The following MAN1A2 variants were observed in gnomAD, a reference collection of about 807,000 sequenced individuals.
The protein encoded by MAN1A2 is mannosyl-oligosaccharide 1,2-alpha-mannosidase IB.
In MAN1A2, 26 loss-of-function variants were observed where a neutral mutation model predicts 75.7. The ratio of observed to expected loss-of-function variants is 0.34; its 90% CI spans 0.25 to 0.48. The LOEUF (loss-of-function observed/expected upper bound fraction) is 0.48, where lower values mean the gene tolerates loss of function less well. Ranked by LOEUF, MAN1A2 falls within the 20% of genes least tolerant of loss-of-function variation. The pLI, the probability that MAN1A2 is intolerant of heterozygous loss-of-function variation, is 0.99. For missense variants in MAN1A2, 562 were observed against 775.5 expected (o/e 0.72, Z 3.27); for synonymous variants, 247 against 264.6 (o/e 0.93, Z 0.65).
At chr1:117,460,427 T>G in intron 6 of MAN1A2, 62 bp from the exon 7 acceptor site, 1 of 1,199,284 alleles carries the variant, frequency 8.3e-7, no homozygotes. Context: ...ACATATTCAT[T>G]AAACGAATGT....
intron 6 of MAN1A2, among the ~76,000 whole-genome samples, chr1:117,445,784 C>T (rs1015732362): frequency 3.3e-5 from 5 of 150,452 alleles, no homozygotes; most frequent in African/African-American, 7.3e-5. Context: ...TCCTTGGCCT[C>T]CCAAGGTGCT....
In MAN1A2 at chr1:117,526,887, T is replaced by C. The variant is rs1446919291; in HGVS notation, c.*3930T>C. ...CTCTCTCTCTCTCTCTCTCTATATATATATATATATATATATATATATGAG... is the reference window on the plus strand; with the variant it reads ...CTCTCTCTCTCTCTCTCTCTATATACATATATATATATATATATATATGAG... On this transcript the variant is annotated 3_prime_UTR_variant, in exon 13 of 13. Coordinates refer to ENST00000356554, the MANE Select transcript of MAN1A2 (RefSeq NM_006699.5). 9.0e-6 allele frequency: 1 copy of C among 110,604 alleles called. No homozygotes were observed. The highest frequency in any genetic ancestry group is 2.0e-5 in the Non-Finnish European group (1 of 50,892). 6.9% of individuals were successfully genotyped at this position (110,604 alleles called of 1,614,324 possible).
intron 8 of MAN1A2, among the ~76,000 whole-genome samples, chr1:117,471,600 A>T (rs1002740865): frequency 3.3e-5 from 5 of 151,880 alleles, no homozygotes; most frequent in African/African-American, 1.2e-4. Context: ...TTTTGCTTTA[A>T]TGTAATTTCA....
At chr1:117,480,815 A>G (rs944666779) in intron 8 of MAN1A2, among the ~76,000 whole-genome samples, 1 of 152,024 alleles carries the variant, frequency 6.6e-6, no homozygotes, top group Non-Finnish European at 1.5e-5. Flanking sequence ...TAGCCTTATC[A>G]TGAACTTGAG....
intron 8 of MAN1A2, among the ~76,000 whole-genome samples, chr1:117,476,769 T>C (rs1650327492): frequency 6.6e-6 from 1 of 152,128 alleles, no homozygotes. Context: ...AGCCTCATAG[T>C]ATAGTTTGAA....
intron 4 of MAN1A2, among the ~76,000 whole-genome samples, chr1:117,418,425 A>G (rs1648079555): frequency 6.6e-6 from 1 of 152,136 alleles, no homozygotes; most frequent in South Asian, 2.1e-4. Context: ...GAAGAGACCC[A>G]AGGGGAGCCA....
chr1:117,486,387 G>A (rs1052906910), intron 8 of MAN1A2, among the ~76,000 whole-genome samples: 1 of 151,814 alleles, frequency 6.6e-6, no homozygotes, highest in Non-Finnish European at 1.5e-5. Flanking sequence ...CTATAATAAG[G>A]AGAACATTTA....
chr1:117,449,682 A>T (rs892640577), intron 6 of MAN1A2, among the ~76,000 whole-genome samples: 7 of 152,224 alleles, frequency 4.6e-5, no homozygotes, highest in African/African-American at 1.7e-4. Context: ...GCAAAGGAAG[A>T]GTTCTTGAAG....
chr1:117,384,317 C>T (rs1284737110), intron 1 of MAN1A2, among the ~76,000 whole-genome samples: 1 of 151,976 alleles, frequency 6.6e-6, no homozygotes, highest in African/African-American at 2.4e-5. Context: ...GTGTTTTTGT[C>T]TTCATTTATC....
chr1:117,509,162 C>G (rs919185618), intron 12 of MAN1A2, among the ~76,000 whole-genome samples: 14 of 151,470 alleles, frequency 9.2e-5, no homozygotes, highest in Admixed American at 7.9e-4. Context: ...AAGTAAAAGA[C>G]AGATGGCACA....
intron 4 of MAN1A2, among the ~76,000 whole-genome samples, chr1:117,416,386 T>A (rs1024005109): frequency 5.3e-5 from 8 of 152,164 alleles, no homozygotes; most frequent in Non-Finnish European, 1.2e-4. Flanking sequence ...AGTTCTCAGC[T>A]TTTTGTTCTT....
At chr1:117,429,720 C>T (rs1195341059) in intron 5 of MAN1A2, among the ~76,000 whole-genome samples, 8 of 111,882 alleles carry the variant, frequency 7.2e-5, no homozygotes, top group Non-Finnish European at 1.4e-4. Flanking sequence ...TGACCCCCCC[C>T]ACCTCCCTCC....
chr1:117,436,175 A>C (rs760339023), intron 5 of MAN1A2, among the ~76,000 whole-genome samples: 6 of 152,222 alleles, frequency 3.9e-5, no homozygotes, highest in Non-Finnish European at 7.3e-5. Flanking sequence ...AAAGTTGTTA[A>C]CTAGGTAAAT....
Position 117,439,753 on chromosome 1 carries a change from C to G in MAN1A2, c.856-2478C>G, listed in dbSNP as rs150319576. 2.2e-4 allele frequency among the ~76,000 whole-genome samples: 34 copies of G among 152,220 alleles called. No homozygotes were observed. In the East Asian group the frequency reaches 5.8e-3, roughly 26 times the overall value. On this transcript the variant is annotated intron_variant, in intron 5 of 12. Transcript: ENST00000356554. ...CAAGTGATCCACCCACCTTTGCCTC[C>G]CAAAGTGCTGGGATGATAGGGGTGA...
chr1:117,417,712 T>A (rs199721051), intron 4 of MAN1A2, among the ~76,000 whole-genome samples: 1,657 of 116,534 alleles, frequency 0.014, 20 homozygotes, highest in African/African-American at 0.039. Context: ...ACACACTCTC[T>A]CTCTCTCTCT....
At chr1:117,429,533 C>A (rs865937204) in intron 5 of MAN1A2, among the ~76,000 whole-genome samples, 1 of 58,118 alleles carries the variant, frequency 1.7e-5, no homozygotes, top group Non-Finnish European at 3.8e-5. Context: ...GGCGGGGGGC[C>A]GACCCCCCCA....
intron 6 of MAN1A2, among the ~76,000 whole-genome samples, chr1:117,457,659 G>A (rs901125833): frequency 1.3e-5 from 2 of 152,106 alleles, no homozygotes; most frequent in African/African-American, 4.8e-5. Context: ...GACTTCCTAA[G>A]TTTTGTTTTT....
At chr1:117,512,750 TACACACACACACACACACACAC>T (rs3050979) in intron 12 of MAN1A2, among the ~76,000 whole-genome samples, 1 of 143,766 alleles carries the variant, frequency 7.0e-6, no homozygotes, top group Non-Finnish European at 1.5e-5. Context: ...GGCACTGGGA[TACACACACACACACACACACAC>T]ACACACACAC....
At chr1:117,401,943 C>G (rs1647442614) in intron 1 of MAN1A2, among the ~76,000 whole-genome samples, 1 of 152,024 alleles carries the variant, frequency 6.6e-6, no homozygotes, top group Non-Finnish European at 1.5e-5. Flanking sequence ...TTACTGTTAT[C>G]TTTGCTCTTA....
Sources: gnomAD v4.1 joint callset for allele counts (sites outside exome capture counted in the v4.1 genomes callset) on GRCh38, gnomAD v4.1.1 for gene constraint, MANE v1.5 for transcripts, NCBI Gene and HGNC (gene_info 2026-07-23, HGNC 2026-07-21) for gene names.